Variants in PPP1R14D observed in about 807,000 individuals in gnomAD.
PPP1R14D encodes protein phosphatase 1 regulatory inhibitor subunit 14D.
In PPP1R14D, 14 loss-of-function variants were observed where a neutral mutation model predicts 17.1. That is an observed-to-expected ratio of 0.82 (90% CI 0.54 to 1.28). The LOEUF is 1.28. Among genes scored for constraint, PPP1R14D ranks in the 50% most tolerant of loss-of-function variants. The pLI, the probability that PPP1R14D is intolerant of heterozygous loss-of-function variation, is 0.00. For synonymous variants in PPP1R14D, 67 were observed against 66.1 expected (o/e 1.01, Z -0.06); for missense variants, 173 against 179.2 (o/e 0.97, Z 0.20).
At chr15:40,826,229 C>T (rs1471559207) in intron 1 of PPP1R14D, among the ~76,000 whole-genome samples, 1 of 152,074 alleles carries the variant, frequency 6.6e-6, no homozygotes, top group Non-Finnish European at 1.5e-5. Context: ...GACACATGAC[C>T]CAGTTAGTTT....
At chr15:40,817,548 A>C (rs1433862902) in intron 1 of PPP1R14D, among the ~76,000 whole-genome samples, 3 of 151,624 alleles carry the variant, frequency 2.0e-5, no homozygotes, top group African/African-American at 7.3e-5. Flanking sequence ...ATTCATTGCT[A>C]GTGGGAATGC....
At chr15:40,822,891 C>T (rs1409201293) in intron 1 of PPP1R14D, among the ~76,000 whole-genome samples, 4 of 151,820 alleles carry the variant, frequency 2.6e-5, no homozygotes, top group East Asian at 1.9e-4. Context: ...CTCAACCTCC[C>T]GGGCTCAAGC....
rs368919304 is a variant in PPP1R14D, at chr15:40,822,908, C to T, written c.255+5479G>A. On this transcript the variant is annotated intron_variant, in intron 1 of 3. Transcript: ENST00000299174. ...CAACCTCCCGGGCTCAAGCAATCCTCCTACCTCAGCCTCTCAAGTAGCTGG... is the reference window on the plus strand; with the variant it reads ...CAACCTCCCGGGCTCAAGCAATCCTTCTACCTCAGCCTCTCAAGTAGCTGG... Among the ~76,000 whole-genome samples, 327 of 152,050 alleles carry T rather than the reference C, an allele frequency of 2.2e-3. 3 individuals carry two copies. The highest frequency in any genetic ancestry group is 0.016 in the South Asian group (78 of 4,820).
Position 40,815,609 on chromosome 15 carries a change from C to T in PPP1R14D, c.*87G>A. 1 of 1,484,554 alleles carries T rather than the reference C, an allele frequency of 6.7e-7. No homozygotes were observed. Among genetic ancestry groups the T allele is most frequent in the South Asian group, 1.2e-5 (1 of 81,040 alleles). The allele number at this position is 1,484,554 out of a possible 1,614,324, so 92.0% of individuals were successfully genotyped here. A position where few individuals can be genotyped will look rare whatever the true frequency, so the allele number is the denominator to read the frequency against. Reference sequence around the variant, plus strand: ...CTTGTCCACATTTCTTGTTTGTGTCCCAAGGAGCTATTTCCCTCTTAGCCA... The same window carrying T: ...CTTGTCCACATTTCTTGTTTGTGTCTCAAGGAGCTATTTCCCTCTTAGCCA... On this transcript the variant is annotated 3_prime_UTR_variant, in exon 4 of 4. Transcript: ENST00000299174.
At chr15:40,817,293 G>C in intron 1 of PPP1R14D, 1 of 287,034 alleles carries the variant, frequency 3.5e-6, no homozygotes, top group South Asian at 2.5e-5. Context: ...GGAGGCAGAA[G>C]TTGCAGAGAA....
intron 1 of PPP1R14D, among the ~76,000 whole-genome samples, chr15:40,822,663 G>A (rs1441041817): frequency 6.6e-6 from 1 of 152,100 alleles, no homozygotes; most frequent in East Asian, 1.9e-4. Flanking sequence ...ATGTTGGTGA[G>A]GCTGGTCTCA....
At chr15:40,828,269 C>T (rs1200808235) in intron 1 of PPP1R14D, 118 bp downstream of exon 1, 2 of 1,349,734 alleles carry the variant, frequency 1.5e-6, no homozygotes, top group African/African-American at 2.9e-5. Context: ...TCATCAGTTA[C>T]AAAAGCTTTC....
chr15:40,826,516 C>T (rs984482388), intron 1 of PPP1R14D, among the ~76,000 whole-genome samples: 1 of 152,132 alleles, frequency 6.6e-6, no homozygotes, highest in Non-Finnish European at 1.5e-5. Context: ...GAGGAGGAGC[C>T]AGGGCATCTG....
intron 2 of PPP1R14D, 63 bp from the exon 3 acceptor site, chr15:40,816,057 A>G (rs1052072097): frequency 4.4e-6 from 7 of 1,604,870 alleles, no homozygotes; most frequent in African/African-American, 1.3e-5. Flanking sequence ...GTCCCCACCA[A>G]TCTCCCAAGA....
chr15:40,822,030 C>T (rs1890786663), intron 1 of PPP1R14D, among the ~76,000 whole-genome samples: 1 of 152,134 alleles, frequency 6.6e-6, no homozygotes, highest in Non-Finnish European at 1.5e-5. Flanking sequence ...GTAATCCCAG[C>T]ACTTTGGGAG....
chr15:40,815,977 G>A lies in PPP1R14D; in HGVS notation c.357C>T (p.Cys119=). ...CATCCCTTACCTCTGTGGGGCGGGG[G>A]CAGTTCCCAAGAATGGCCTAGATAG... is the stretch of plus-strand genomic sequence containing the variant. ...KTQLEAILGN[C]PRPTEAFISE... is the part of the protein sequence containing the mutation. The change falls in exon 3 of 4, where the codon TGC becomes TGT. Residue 119 remains cysteine (C), a synonymous_variant. Transcript: ENST00000299174. 6.2e-7 allele frequency: 1 copy of A among 1,614,064 alleles called. No individual in the cohort carries two copies. Among genetic ancestry groups the A allele is most frequent in the Non-Finnish European group, 8.5e-7 (1 of 1,180,006 alleles).
intron 1 of PPP1R14D, among the ~76,000 whole-genome samples, chr15:40,825,875 T>A (rs1000910737): frequency 9.2e-5 from 14 of 152,324 alleles, no homozygotes; most frequent in African/African-American, 3.4e-4. Context: ...TCCTTCCACA[T>A]GTCTTGCTTT....
chr15:40,817,917 C>T (rs1042687125), intron 1 of PPP1R14D, among the ~76,000 whole-genome samples: 6 of 152,094 alleles, frequency 3.9e-5, no homozygotes, highest in Non-Finnish European at 5.9e-5. Context: ...CAGCCCTAAA[C>T]ACACTCTTAC....
intron 1 of PPP1R14D, among the ~76,000 whole-genome samples, chr15:40,818,288 CAAAAAAAAAA>C (rs764375543): frequency 2.7e-5 from 1 of 37,124 alleles, no homozygotes; most frequent in Admixed American, 2.7e-4. Flanking sequence ...GACTCCATCT[CAAAAAAAAAA>C]AAAAAAAAAA....
At chr15:40,824,508 C>T (rs901336355) in intron 1 of PPP1R14D, among the ~76,000 whole-genome samples, 1 of 151,806 alleles carries the variant, frequency 6.6e-6, no homozygotes, top group Admixed American at 6.6e-5. Context: ...GTGGTTGGAA[C>T]CACAGGCACG....
chr15:40,817,235 TA>T, intron 1 of PPP1R14D: 1 of 301,004 alleles, frequency 3.3e-6, no homozygotes, highest in Non-Finnish European at 7.0e-6. Context: ...CGCATACCCG[TA>T]ATCCCAGCTA....
In PPP1R14D at chr15:40,818,528, C is replaced by T. The variant is rs375144359; in HGVS notation, c.256-2275G>A. ...ACAGTTAAATAAGCCAGTTTGAAGC[C>T]AGTCACAGTAGCATGCACCTGTATA... On this transcript the variant is annotated intron_variant, in intron 1 of 3. Transcript: ENST00000299174. Among the ~76,000 whole-genome samples the T allele has an allele frequency of 5.3e-5, 8 of 152,092 alleles. No individual in the cohort carries two copies. The East Asian group carries it at 1.3e-3, about 26-fold the overall frequency.
chr15:40,815,476 T>C lies in PPP1R14D; in HGVS notation c.*220A>G, dbSNP rs923388522. ...TGGGGCTCCTAAAGGTTTTATCCAC[T>C]TGGCTGCCAAGGAAGGCATTGGACA... On this transcript the variant is annotated 3_prime_UTR_variant, in exon 4 of 4. Coordinates refer to ENST00000299174, the MANE Select transcript of PPP1R14D (RefSeq NM_017726.8). 15 of 581,952 alleles carry C rather than the reference T, an allele frequency of 2.6e-5. No individual in the cohort carries two copies. The highest frequency in any genetic ancestry group is 4.2e-5 in the Non-Finnish European group (14 of 330,752). The allele number at this position is 581,952 out of a possible 1,614,324, so 36.0% of individuals were successfully genotyped here.
At chr15:40,822,006 A>C (rs1237606050) in intron 1 of PPP1R14D, among the ~76,000 whole-genome samples, 4 of 149,012 alleles carry the variant, frequency 2.7e-5, no homozygotes, top group Non-Finnish European at 4.5e-5. Flanking sequence ...GGTCAGGTGC[A>C]GTGGCTTATG....
Sources: allele counts gnomAD v4.1 joint callset (sites outside exome capture counted in the v4.1 genomes callset), GRCh38; gene constraint gnomAD v4.1.1; transcripts MANE v1.5; gene names NCBI Gene and HGNC (gene_info 2026-07-23, HGNC 2026-07-21).